Variants in ADAMTSL1 observed in about 807,000 individuals in gnomAD.
ADAMTSL1 encodes ADAMTS-like protein 1.
A neutral mutation model predicts 201.8 loss-of-function variants in ADAMTSL1; 126 were observed. The ratio of observed to expected loss-of-function variants is 0.62; its 90% confidence interval spans 0.54 to 0.72. ADAMTSL1 has a LOEUF of 0.72. Ranked by LOEUF, ADAMTSL1 falls within the 30% of genes least tolerant of loss-of-function variation. The pLI is 0.00. For missense variants in ADAMTSL1, 2,679 were observed against 2,277.8 expected (o/e 1.18, Z -3.59); for synonymous variants, 1,121 against 903.4 (o/e 1.24, Z -4.32).
At chr9:18,853,922 C>T (rs368302619) in intron 23 of ADAMTSL1, among the ~76,000 whole-genome samples, 12 of 37,784 alleles carry the variant, frequency 3.2e-4, no homozygotes, top group Non-Finnish European at 4.3e-4. Flanking sequence ...TGTGTGTGCG[C>T]GTGCATGCAA....
At chr9:18,149,577 G>C (rs1826818301) in intron 1 of ADAMTSL1, among the ~76,000 whole-genome samples, 1 of 151,934 alleles carries the variant, frequency 6.6e-6, no homozygotes, top group Non-Finnish European at 1.5e-5. Context: ...CCCTAACCCA[G>C]ACCTCCTGAG....
intron 2 of ADAMTSL1, among the ~76,000 whole-genome samples, chr9:18,198,559 A>G (rs2132262891): frequency 6.8e-6 from 1 of 146,554 alleles, no homozygotes; most frequent in African/African-American, 2.5e-5. Flanking sequence ...CCACAATGAG[A>G]TACCATCTCA....
At chr9:17,994,674 A>T (rs970888600) in intron 1 of ADAMTSL1, among the ~76,000 whole-genome samples, 1 of 152,184 alleles carries the variant, frequency 6.6e-6, no homozygotes, top group East Asian at 1.9e-4. Flanking sequence ...ATTAAATCTG[A>T]ATGCTGTCAG....
chr9:18,229,994 G>C (rs1830589309), intron 2 of ADAMTSL1, among the ~76,000 whole-genome samples: 1 of 152,160 alleles, frequency 6.6e-6, no homozygotes, highest in Admixed American at 6.5e-5. Context: ...ACCGCACCCA[G>C]CCATTTAACC....
At chr9:18,905,597 A>ACCATC (rs1830258759) in intron 26 of ADAMTSL1, 185 bp from the exon 27 acceptor site, 1 of 575,646 alleles carries the variant, frequency 1.7e-6, no homozygotes, top group African/African-American at 1.9e-5. Flanking sequence ...AGGAAATCTA[A>ACCATC]CCATCCCATA....
At chr9:18,054,665 A>G (rs552792127) in intron 1 of ADAMTSL1, among the ~76,000 whole-genome samples, 2 of 152,354 alleles carry the variant, frequency 1.3e-5, no homozygotes, top group South Asian at 2.1e-4. Flanking sequence ...GCTCAGAAAG[A>G]TGAAGTGACT....
At chr9:18,435,005 T>C (rs920843336) in intron 2 of ADAMTSL1, among the ~76,000 whole-genome samples, 2 of 152,212 alleles carry the variant, frequency 1.3e-5, no homozygotes, top group African/African-American at 4.8e-5. Context: ...AACATCTGGG[T>C]CACAATAGAT....
chr9:17,949,662 G>C (rs949041882), intron 1 of ADAMTSL1, among the ~76,000 whole-genome samples: 6 of 152,152 alleles, frequency 3.9e-5, no homozygotes, highest in African/African-American at 1.4e-4. Flanking sequence ...AGGCAGCATG[G>C]TAGTAGAAAC....
intron 2 of ADAMTSL1, among the ~76,000 whole-genome samples, chr9:18,444,446 C>T (rs1183853072): frequency 6.6e-6 from 1 of 152,052 alleles, no homozygotes; most frequent in Non-Finnish European, 1.5e-5. Flanking sequence ...TCATGGTTCT[C>T]CAATGTTGAC....
At chr9:18,843,271 T>C (rs1445965929) in intron 23 of ADAMTSL1, among the ~76,000 whole-genome samples, 1 of 150,772 alleles carries the variant, frequency 6.6e-6, no homozygotes, top group Non-Finnish European at 1.5e-5. Context: ...CTGTAAAATA[T>C]TTTATTTCTC....
At chr9:17,973,087 G>T (rs1818282446) in intron 1 of ADAMTSL1, among the ~76,000 whole-genome samples, 1 of 41,630 alleles carries the variant, frequency 2.4e-5, no homozygotes, top group African/African-American at 7.0e-5. Context: ...TGAGTAGGTT[G>T]CAAAAATTTT....
At chr9:18,842,874 T>G (rs1327914443) in intron 23 of ADAMTSL1, among the ~76,000 whole-genome samples, 1 of 152,138 alleles carries the variant, frequency 6.6e-6, no homozygotes, top group East Asian at 1.9e-4. Context: ...CTTTTTTGTT[T>G]TCCATTTGCT....
chr9:18,100,055 C>T (rs569702543), intron 1 of ADAMTSL1, among the ~76,000 whole-genome samples: 45 of 152,046 alleles, frequency 3.0e-4, no homozygotes, highest in African/African-American at 9.4e-4. Context: ...CTGAGTTTTT[C>T]TAATTCGGAA....
At chr9:18,312,813 C>T (rs1318986804) in intron 2 of ADAMTSL1, among the ~76,000 whole-genome samples, 1 of 152,158 alleles carries the variant, frequency 6.6e-6, no homozygotes, top group Non-Finnish European at 1.5e-5. Flanking sequence ...TAATGGCAGT[C>T]ACTCTAATAG....
At chr9:18,688,137 T>C (rs971930667) in intron 13 of ADAMTSL1, among the ~76,000 whole-genome samples, 19 of 150,414 alleles carry the variant, frequency 1.3e-4, no homozygotes, top group African/African-American at 4.4e-4. Flanking sequence ...TATATATATA[T>C]ATAGAAACGT....
intron 2 of ADAMTSL1, among the ~76,000 whole-genome samples, chr9:18,507,370 T>C (rs1000279499): frequency 2.6e-5 from 4 of 152,200 alleles, no homozygotes; most frequent in Admixed American, 6.5e-5. Flanking sequence ...GTGTATTGAT[T>C]GTAGAAAATC....
At chr9:18,147,377 C>T (rs562666618) in intron 1 of ADAMTSL1, among the ~76,000 whole-genome samples, 5 of 152,120 alleles carry the variant, frequency 3.3e-5, no homozygotes, top group South Asian at 2.1e-4. Flanking sequence ...ATAAGAAAGA[C>T]GTTGGTAGGT....
Position 18,539,926 on chromosome 9 carries a change from A to G in ADAMTSL1, c.237+6634A>G, listed in dbSNP as rs188503760. On this transcript the variant is annotated intron_variant, in intron 3 of 28. Coordinates refer to ENST00000380548, the MANE Select transcript of ADAMTSL1 (RefSeq NM_001040272.6). ...TGTTGGCCGGCCTAGAAGTACCACA[A>G]AAAACTCACCCAGACATTAATGGTG... Among the ~76,000 whole-genome samples the G allele has an allele frequency of 2.4e-4, 36 of 152,348 alleles. No individual in the cohort carries two copies. In the East Asian group the frequency reaches 4.4e-3, roughly 19 times the overall value.
chr9:18,793,752 A>T (rs1247350321), intron 19 of ADAMTSL1, among the ~76,000 whole-genome samples: 2 of 152,010 alleles, frequency 1.3e-5, no homozygotes, highest in Non-Finnish European at 2.9e-5. Flanking sequence ...TGTCAGGTCT[A>T]GGCACCGGAT....
Sources: gnomAD v4.1 joint callset for allele counts (sites outside exome capture counted in the v4.1 genomes callset) on GRCh38, gnomAD v4.1.1 for gene constraint, MANE v1.5 for transcripts, NCBI Gene and HGNC (gene_info 2026-07-23, HGNC 2026-07-21) for gene names.